PKHD1L1: variants seen among roughly 807,000 people sequenced by gnomAD.
The protein encoded by PKHD1L1 is PKHD1 like 1.
PKHD1L1 carries 434 observed loss-of-function variants against 462.9 expected under a neutral mutation model. The ratio of observed to expected loss-of-function variants is 0.94; its 90% CI spans 0.87 to 1.02. The LOEUF (loss-of-function observed/expected upper bound fraction) is 1.02, where lower values mean the gene tolerates loss of function less well. PKHD1L1 is among the 50% of genes least tolerant of loss of function. The probability of loss-of-function intolerance (pLI) is 0.00; values close to 1 mark genes in which losing one functional copy is unlikely to be tolerated. For missense variants in PKHD1L1, 5,202 were observed against 5,096.1 expected, an observed-to-expected ratio of 1.02 and a Z score of -0.63; for synonymous variants, 1,781 against 1,750.0, an observed-to-expected ratio of 1.02 and a Z score of -0.44.
chr8:109,457,009 C>G (rs1168198263), intron 46 of PKHD1L1, among the ~76,000 whole-genome samples: 1 of 151,984 alleles, frequency 6.6e-6, no homozygotes, highest in Non-Finnish European at 1.5e-5. Flanking sequence ...CATTTTTTAG[C>G]AAATAAGACA....
chr8:109,449,718 A>G (rs1415099042), intron 40 of PKHD1L1, among the ~76,000 whole-genome samples: 1 of 152,202 alleles, frequency 6.6e-6, no homozygotes, highest in African/African-American at 2.4e-5. Flanking sequence ...AGTTTCTGGT[A>G]TAAACTGATG....
chr8:109,375,837 C>T (rs1015989080), intron 2 of PKHD1L1, among the ~76,000 whole-genome samples: 1 of 152,180 alleles, frequency 6.6e-6, no homozygotes, highest in Admixed American at 6.5e-5. Context: ...ACCGCAGATG[C>T]TGCTGCCTGA....
At chr8:109,445,677 T>C (rs1449797990) in intron 38 of PKHD1L1, 32 bp downstream of exon 38, 4 of 1,515,844 alleles carry the variant, frequency 2.6e-6, no homozygotes, top group East Asian at 2.3e-5. Context: ...TATCTTGATA[T>C]TATAGTATCG....
At position 109,362,563 on chromosome 8, in the gene PKHD1L1, C is replaced by T. The variant is rs866502585; in HGVS notation, c.-18C>T. 1.9e-6 allele frequency: 3 copies of T among 1,598,296 alleles called. No individual in the cohort carries two copies. Among genetic ancestry groups the T allele is most frequent in the African/African-American group, 2.7e-5 (2 of 74,662 alleles). ...AGCTGCGAGCGGAGGGCACCAACTCCGCAGAACTGGCTTTTCAATGGGACA... is the reference window on the plus strand; with the variant it reads ...AGCTGCGAGCGGAGGGCACCAACTCTGCAGAACTGGCTTTTCAATGGGACA... On this transcript the variant is annotated 5_prime_UTR_variant, in exon 1 of 78. Transcript: ENST00000378402.
At chr8:109,407,163 T>C (rs1253001322) in intron 17 of PKHD1L1, among the ~76,000 whole-genome samples, 2 of 152,206 alleles carry the variant, frequency 1.3e-5, no homozygotes, top group Non-Finnish European at 2.9e-5. Context: ...TGTTTACTTT[T>C]CTTTGGGCAA....
intron 4 of PKHD1L1, among the ~76,000 whole-genome samples, chr8:109,383,347 TTATATTA>T (rs1812261130): frequency 9.0e-6 from 1 of 111,024 alleles, no homozygotes; most frequent in Non-Finnish European, 1.7e-5. Flanking sequence ...AATATATATT[TTATATTA>T]TATATTATAA....
chr8:109,449,169 A>G (rs1293295078), intron 39 of PKHD1L1, among the ~76,000 whole-genome samples, 169 bp from the exon 40 acceptor site: 3 of 152,210 alleles, frequency 2.0e-5, no homozygotes, highest in Non-Finnish European at 4.4e-5. Context: ...ACTACAATCA[A>G]AAGAGATTCA....
chr8:109,415,865 GTGT>G (rs1434666306), intron 21 of PKHD1L1, among the ~76,000 whole-genome samples: 26 of 34,760 alleles, frequency 7.5e-4, no homozygotes, highest in African/African-American at 1.8e-3. Context: ...AAAAAAAGGG[GTGT>G]GTGTGTGTGT....
intron 4 of PKHD1L1, among the ~76,000 whole-genome samples, chr8:109,383,186 A>AT (rs1812235660): frequency 2.8e-5 from 3 of 105,756 alleles, no homozygotes; most frequent in Non-Finnish European, 5.3e-5. Flanking sequence ...TAATATATAT[A>AT]ATTATATATA....
At chr8:109,514,967 G>C (rs187002006) in intron 71 of PKHD1L1, among the ~76,000 whole-genome samples, 3 of 152,150 alleles carry the variant, frequency 2.0e-5, no homozygotes, top group African/African-American at 7.2e-5. Context: ...ACTAAGAATA[G>C]TCAATTAAGG....
intron 50 of PKHD1L1, among the ~76,000 whole-genome samples, chr8:109,472,499 C>T (rs1343789417): frequency 6.6e-6 from 1 of 152,060 alleles, no homozygotes; most frequent in East Asian, 1.9e-4. Flanking sequence ...TCATCTATTC[C>T]CTTCAAGAAT....
intron 2 of PKHD1L1, among the ~76,000 whole-genome samples, chr8:109,378,911 A>T (rs1200510768): frequency 6.6e-6 from 1 of 152,208 alleles, no homozygotes; most frequent in East Asian, 1.9e-4. Context: ...ATGTGTCTCA[A>T]CTTAACTTCC....
intron 62 of PKHD1L1, 147 bp downstream of exon 62, chr8:109,492,141 G>C: frequency 3.3e-6 from 2 of 598,708 alleles, no homozygotes; most frequent in Non-Finnish European, 5.1e-6. Flanking sequence ...TTTTTTTTCT[G>C]TCAATGTCTA....
At position 109,396,023 on chromosome 8, in the gene PKHD1L1, C is replaced by T. The variant is rs1812953649; in HGVS notation, c.812-4C>T. The T allele has an allele frequency of 1.3e-6, 2 of 1,576,554 alleles. No homozygotes were observed. The highest frequency in any genetic ancestry group is 8.6e-7 in the Non-Finnish European group (1 of 1,156,410). ...ATATTTTATTTAATGTGGTTTTCCC[C>T]CAGAGGTCACCATGATTTTCCCTTC... On this transcript the variant is annotated splice_polypyrimidine_tract_variant and splice_region_variant and intron_variant, in intron 10 of 77. Transcript: ENST00000378402.
intron 9 of PKHD1L1, among the ~76,000 whole-genome samples, chr8:109,391,161 A>G (rs1812693252): frequency 6.6e-6 from 1 of 152,218 alleles, no homozygotes; most frequent in Non-Finnish European, 1.5e-5. Flanking sequence ...TATCAAGTTT[A>G]ATCCTCCCAA....
chr8:109,523,421 C>G (rs770893375), intron 76 of PKHD1L1, 35 bp downstream of exon 76: 57 of 1,536,836 alleles, frequency 3.7e-5, no homozygotes, highest in Non-Finnish European at 5.1e-5. Flanking sequence ...ACATATATAG[C>G]CATAAATAGA....
At chr8:109,457,664 T>C (rs996934984) in intron 46 of PKHD1L1, among the ~76,000 whole-genome samples, 1 of 152,176 alleles carries the variant, frequency 6.6e-6, no homozygotes, top group Non-Finnish European at 1.5e-5. Context: ...ATGGTATTAG[T>C]AAGGATTACA....
chr8:109,366,618 A>T (rs191530071), intron 2 of PKHD1L1, among the ~76,000 whole-genome samples: 65 of 152,160 alleles, frequency 4.3e-4, no homozygotes, highest in East Asian at 2.3e-3. Context: ...TATCAAAAAA[A>T]TTTTTTAATA....
At chr8:109,404,090 G>A (rs1163617300) in intron 14 of PKHD1L1, among the ~76,000 whole-genome samples, 1 of 152,072 alleles carries the variant, frequency 6.6e-6, no homozygotes, top group African/African-American at 2.4e-5. Flanking sequence ...GTTACAAATG[G>A]AGCCAAATTT....
Sources: allele counts gnomAD v4.1 joint callset (sites outside exome capture counted in the v4.1 genomes callset), GRCh38; gene constraint gnomAD v4.1.1; transcripts MANE v1.5; gene names NCBI Gene and HGNC (gene_info 2026-07-23, HGNC 2026-07-21).